KIRREL3: variants seen among roughly 807,000 people sequenced by gnomAD.
KIRREL3 encodes kirre like nephrin family adhesion molecule 3, also known as kin of IRRE-like protein 3.
In KIRREL3, 36 loss-of-function variants were observed where a neutral mutation model predicts 89.7. That is an observed-to-expected ratio of 0.40 (90% CI 0.31 to 0.53). KIRREL3 has a LOEUF of 0.53. Ranked by LOEUF, KIRREL3 falls within the 20% of genes least tolerant of loss-of-function variation. The probability of loss-of-function intolerance (pLI) is 0.49; values close to 1 mark genes in which losing one functional copy is unlikely to be tolerated. For missense variants in KIRREL3, 864 were observed against 1,056.6 expected, an observed-to-expected ratio of 0.82 and a Z score of 2.53; for synonymous variants, 445 against 441.4, an observed-to-expected ratio of 1.01 and a Z score of -0.10.
chr11:126,980,322 T>C (rs1949686823), intron 1 of KIRREL3, among the ~76,000 whole-genome samples: 1 of 152,124 alleles, frequency 6.6e-6, no homozygotes, highest in Non-Finnish European at 1.5e-5. Context: ...CCAGACAGAA[T>C]GAATTGATAG....
rs994364765 is a variant in KIRREL3 at position 126,606,243 on chromosome 11, G to A, written c.56-43331C>T. Among the ~76,000 whole-genome samples the A allele has an allele frequency of 3.9e-5, 6 of 152,140 alleles. No homozygotes were observed. The highest frequency in any genetic ancestry group is 1.4e-4 in the African/African-American group (6 of 41,420). The stretch of plus-strand genomic sequence containing the variant: ...ATGTTAAAATATTATTTTTATGAAG[G>A]CACAGTTTAGTATGGTGTTTATGAG... On this transcript the variant is annotated intron_variant, in intron 1 of 16. Coordinates refer to ENST00000525144, the MANE Select transcript of KIRREL3 (RefSeq NM_032531.4). This position sits in a 1 kb window ranked among gnomAD's most constrained non-coding sequence, Gnocchi z 4.6.
At chr11:126,517,119 TGAGAGAGAGAGAGAGAAAGA>T (rs1958433951) in intron 4 of KIRREL3, among the ~76,000 whole-genome samples, 1 of 78,210 alleles carries the variant, frequency 1.3e-5, no homozygotes, top group South Asian at 4.3e-4. Flanking sequence ...TGTTAGAGAT[TGAGAGAGAGAGAGAGAAAGA>T]GAGAGAGAGA....
chr11:126,633,580 C>G (rs1411347230), intron 1 of KIRREL3, among the ~76,000 whole-genome samples: 1 of 152,146 alleles, frequency 6.6e-6, no homozygotes, highest in Admixed American at 6.5e-5. Context: ...CTGCACATCC[C>G]AGCTCCATTT....
At chr11:126,536,903 C>T (rs547885241) in intron 2 of KIRREL3, among the ~76,000 whole-genome samples, 1 of 152,280 alleles carries the variant, frequency 6.6e-6, no homozygotes, top group East Asian at 1.9e-4. Flanking sequence ...CTCTCAGCAT[C>T]CCAAAAGGTT....
intron 11 of KIRREL3, among the ~76,000 whole-genome samples, chr11:126,439,604 C>T (rs1217283393): frequency 6.7e-6 from 1 of 149,550 alleles, no homozygotes; most frequent in Admixed American, 6.7e-5. Context: ...ATCGATTGAG[C>T]CCAGGAGTTT....
At chr11:126,885,071 T>A (rs1344945468) in intron 1 of KIRREL3, among the ~76,000 whole-genome samples, 1 of 152,126 alleles carries the variant, frequency 6.6e-6, no homozygotes, top group African/African-American at 2.4e-5. Flanking sequence ...GATTGGACAG[T>A]GGTAGGAAAT....
At position 126,537,079 on chromosome 11, in the gene KIRREL3, T is replaced by C. The variant is rs1375131285; in HGVS notation, c.134-10392A>G. Reference sequence around the variant, plus strand: ...GCCTGGCCTTTGTTCCAGCAGCAGATTGAGGGGACATGACCACTCCCCTTA... The same window carrying C: ...GCCTGGCCTTTGTTCCAGCAGCAGACTGAGGGGACATGACCACTCCCCTTA... On this transcript the variant is annotated intron_variant, in intron 2 of 16. Coordinates refer to ENST00000525144, the MANE Select transcript of KIRREL3 (RefSeq NM_032531.4). This position sits in a 1 kb window ranked among gnomAD's most constrained non-coding sequence, Gnocchi z 4.3. Among the ~76,000 whole-genome samples, 5 of 152,136 alleles carry C rather than the reference T, an allele frequency of 3.3e-5. No homozygotes were observed. The highest frequency in any genetic ancestry group is 1.2e-4 in the African/African-American group (5 of 41,432).
chr11:126,922,109 A>ATCTG lies in KIRREL3; in HGVS notation c.55+78345_55+78346insCAGA, dbSNP rs1359128477. The stretch of plus-strand genomic sequence containing the variant: ...TCTATCTATATCTATCTATCGATCT[A>ATCTG]TCTATCTGTCTGTCTATCTATCTAT... On this transcript the variant is annotated intron_variant, in intron 1 of 16. Transcript: ENST00000525144. Among the ~76,000 whole-genome samples, 18 of 114,658 alleles carry ATCTG rather than the reference A, an allele frequency of 1.6e-4. No individual in the cohort carries two copies. In the East Asian group the frequency reaches 2.3e-3, roughly 14 times the overall value. The allele number at this position is 114,658 out of a possible 152,430, so 75.2% of individuals were successfully genotyped here.
In KIRREL3 at chr11:126,564,408, G is replaced by T. The variant is rs1199410654; in HGVS notation, c.56-1496C>A. ...CCTAGAGAAAAACAAAACATGGCAGGAGGTGGCAGAACGCCACGGCCCAGG... is the reference window on the plus strand; with the variant it reads ...CCTAGAGAAAAACAAAACATGGCAGTAGGTGGCAGAACGCCACGGCCCAGG... On this transcript the variant is annotated intron_variant, in intron 1 of 16. Coordinates refer to ENST00000525144, the MANE Select transcript of KIRREL3 (RefSeq NM_032531.4). This position sits in a 1 kb window ranked among gnomAD's most constrained non-coding sequence, Gnocchi z 7.4. Among the ~76,000 whole-genome samples the T allele has an allele frequency of 6.6e-6, 1 of 152,180 alleles. No homozygotes were observed. The highest frequency in any genetic ancestry group is 2.4e-5 in the African/African-American group (1 of 41,450).
rs1486140568 is a variant in KIRREL3 at position 126,565,879 on chromosome 11, C to A, written c.56-2967G>T. Among the ~76,000 whole-genome samples, 1 of 151,856 alleles carries A rather than the reference C, an allele frequency of 6.6e-6. No individual in the cohort carries two copies. The highest frequency in any genetic ancestry group is 1.5e-5 in the Non-Finnish European group (1 of 67,980). On this transcript the variant is annotated intron_variant, in intron 1 of 16. Transcript: ENST00000525144. The surrounding 1 kb of genome is among the most constrained non-coding windows in gnomAD (Gnocchi z 5.4). ...TTGGCTTGGGGAGACTCTACCAAGC[C>A]AAACTAACTAGGTTATTAGGAGAGA...
chr11:126,616,921 T>C (rs570450), intron 1 of KIRREL3, among the ~76,000 whole-genome samples: 65,701 of 152,194 alleles, frequency 0.43, 14,756 homozygotes, highest in South Asian at 0.53. Flanking sequence ...GGATTACAGG[T>C]GTGAGCCACT....
chr11:126,926,780 A>C (rs1360735525), intron 1 of KIRREL3, among the ~76,000 whole-genome samples: 2 of 151,968 alleles, frequency 1.3e-5, no homozygotes, highest in Admixed American at 6.6e-5. Flanking sequence ...AATACTAAAG[A>C]GGGCGCGGAA....
At chr11:126,699,983 C>T (rs949965618) in intron 1 of KIRREL3, among the ~76,000 whole-genome samples, 11 of 152,068 alleles carry the variant, frequency 7.2e-5, no homozygotes, top group Non-Finnish European at 1.5e-4. Flanking sequence ...CAGTTGAGTT[C>T]TGGGGTTCGA....
In KIRREL3 at chr11:126,459,061, G is replaced by A. The variant is rs934042579; in HGVS notation, c.743-2607C>T. ...AGTGGAGGTGGGGCAGAGGAGCTTG[G>A]GAATCGCCACCGGATCCAAACGCAT... On this transcript the variant is annotated intron_variant, in intron 6 of 16. Coordinates refer to ENST00000525144, the MANE Select transcript of KIRREL3 (RefSeq NM_032531.4). This position sits in a 1 kb window ranked among gnomAD's most constrained non-coding sequence, Gnocchi z 4.8. 6.6e-6 allele frequency among the ~76,000 whole-genome samples: 1 copy of A among 152,082 alleles called. No homozygotes were observed. The highest frequency in any genetic ancestry group is 6.5e-5 in the Admixed American group (1 of 15,276).
Position 126,428,405 on chromosome 11 carries a change from A to G in KIRREL3, c.1806+774T>C, listed in dbSNP as rs572789137. 6.6e-6 allele frequency among the ~76,000 whole-genome samples: 1 copy of G among 152,188 alleles called. No individual in the cohort carries two copies. The highest frequency in any genetic ancestry group is 6.5e-5 in the Admixed American group (1 of 15,280). The stretch of plus-strand genomic sequence containing the variant: ...GGAGGAGCAGGCTTGATGTGCCTGG[A>G]GAAGTGATGAGTTGACTGGCAATCC... On this transcript the variant is annotated intron_variant, in intron 15 of 16. Transcript: ENST00000525144. The surrounding 1 kb of genome is among the most constrained non-coding windows in gnomAD (Gnocchi z 6.4).
At chr11:126,922,121 G>GTCTGTCTGTCTATCTATCTATCTATCTA (rs61078651) in intron 1 of KIRREL3, among the ~76,000 whole-genome samples, 20 of 140,078 alleles carry the variant, frequency 1.4e-4, no homozygotes, top group East Asian at 8.9e-4. Context: ...CTATCTGTCT[G>GTCTGTCTGTCTATCTATCTATCTATCTA]TCTATCTATC....
intron 1 of KIRREL3, among the ~76,000 whole-genome samples, chr11:126,827,694 A>G (rs10893583): frequency 0.23 from 35,031 of 152,172 alleles, 4,673 homozygotes; most frequent in Non-Finnish European, 0.31. Flanking sequence ...CTTAAAGTCG[A>G]TAACAATCAT....
At chr11:126,693,572 T>C (rs1032809287) in intron 1 of KIRREL3, among the ~76,000 whole-genome samples, 1 of 151,588 alleles carries the variant, frequency 6.6e-6, no homozygotes, top group Non-Finnish European at 1.5e-5. Context: ...ATAAGTGTGT[T>C]ACATCTGTAT....
At chr11:126,482,316 G>A (rs531291388) in intron 4 of KIRREL3, among the ~76,000 whole-genome samples, 9 of 152,224 alleles carry the variant, frequency 5.9e-5, no homozygotes, top group Non-Finnish European at 1.2e-4. Context: ...TGGGATTACA[G>A]GCATGAACCA....
Sources: allele counts gnomAD v4.1 joint callset (sites outside exome capture counted in the v4.1 genomes callset), GRCh38; gene constraint gnomAD v4.1.1; non-coding constraint Gnocchi (gnomAD v3.1); transcripts MANE v1.5; gene names NCBI Gene and HGNC (gene_info 2026-07-23, HGNC 2026-07-21).